The following VPS8 variants were observed in gnomAD, a reference collection of about 807,000 sequenced individuals.
VPS8 encodes the protein VPS8 subunit of CORVET complex.
Under a neutral mutation model 216.4 loss-of-function variants are expected in VPS8, and 129 were observed. That is an observed-to-expected ratio of 0.60 (90% CI 0.52 to 0.69). The LOEUF is 0.69. Among genes scored for constraint, VPS8 ranks in the 30% least tolerant of loss-of-function variants. The pLI is 0.00. For synonymous variants in VPS8, 571 were observed against 565.4 expected (o/e 1.01, Z -0.14); for missense variants, 1,531 against 1,683.5 (o/e 0.91, Z 1.59).
intron 1 of VPS8, among the ~76,000 whole-genome samples, chr3:184,819,420 G>A (rs1049778821): frequency 6.6e-6 from 1 of 152,206 alleles, no homozygotes; most frequent in African/African-American, 2.4e-5. Flanking sequence ...ATGGTTGGGT[G>A]AAGAACTAGT....
At chr3:184,859,308 A>G (rs111702032) in intron 14 of VPS8, among the ~76,000 whole-genome samples, 18 of 152,316 alleles carry the variant, frequency 1.2e-4, no homozygotes, top group African/African-American at 3.8e-4. Flanking sequence ...TTTATTAAGC[A>G]TCAGTGATTT....
chr3:184,911,584 A>G (rs1736542339), intron 25 of VPS8, among the ~76,000 whole-genome samples: 1 of 152,218 alleles, frequency 6.6e-6, no homozygotes, highest in Non-Finnish European at 1.5e-5. Flanking sequence ...TTAATTATGC[A>G]TTTGTCTCAT....
intron 42 of VPS8, among the ~76,000 whole-genome samples, chr3:184,984,206 A>C (rs1750710910): frequency 6.8e-6 from 1 of 147,444 alleles, no homozygotes; most frequent in African/African-American, 2.5e-5. Context: ...TCTACTTCCC[A>C]TCTGATATTA....
chr3:184,940,340 T>TA (rs2109321995), intron 36 of VPS8, 97 bp downstream of exon 36: 1 of 393,252 alleles, frequency 2.5e-6, no homozygotes, highest in African/African-American at 2.1e-5. Context: ...ATCTAAATAA[T>TA]ACAATTAGCT....
chr3:185,043,813 C>G (rs562466782), intron 46 of VPS8, among the ~76,000 whole-genome samples: 2 of 152,104 alleles, frequency 1.3e-5, no homozygotes, highest in Non-Finnish European at 2.9e-5. Flanking sequence ...GGCAGGTGTC[C>G]GTCAGTTTCA....
At chr3:185,017,803 G>A (rs1046748891) in intron 45 of VPS8, among the ~76,000 whole-genome samples, 5 of 152,074 alleles carry the variant, frequency 3.3e-5, no homozygotes, top group Non-Finnish European at 7.3e-5. Flanking sequence ...GGCCTGAGCC[G>A]GAAAGGTCCC....
intron 45 of VPS8, among the ~76,000 whole-genome samples, chr3:185,014,423 A>G (rs1264663676): frequency 6.6e-6 from 1 of 152,142 alleles, no homozygotes; most frequent in Non-Finnish European, 1.5e-5. Context: ...ATAAGGTTTC[A>G]GGTGTCTTGA....
chr3:184,986,509 C>A (rs1389007532), intron 42 of VPS8, among the ~76,000 whole-genome samples: 1 of 152,118 alleles, frequency 6.6e-6, no homozygotes, highest in Non-Finnish European at 1.5e-5. Context: ...TGGGGAAAGT[C>A]TGCTGATGGT....
intron 47 of VPS8, among the ~76,000 whole-genome samples, chr3:185,050,359 C>A (rs961732467): frequency 1.3e-5 from 2 of 152,122 alleles, no homozygotes; most frequent in Non-Finnish European, 2.9e-5. Context: ...GTGAATGAGA[C>A]CATACATGTG....
intron 18 of VPS8, 130 bp from the exon 19 acceptor site, chr3:184,868,816 A>G: frequency 1.4e-6 from 1 of 705,618 alleles, no homozygotes; most frequent in East Asian, 2.7e-5. Context: ...GAAACAAGAT[A>G]TTCACATAAT....
At chr3:184,967,841 CAAA>C (rs11326717) in intron 39 of VPS8, among the ~76,000 whole-genome samples, 10 of 133,708 alleles carry the variant, frequency 7.5e-5, no homozygotes, top group Non-Finnish European at 9.7e-5. Flanking sequence ...AACTCCATCT[CAAA>C]AAAAAAAAAA....
chr3:184,841,901 T>A (rs1238945188), intron 7 of VPS8, among the ~76,000 whole-genome samples: 1 of 152,118 alleles, frequency 6.6e-6, no homozygotes, highest in Non-Finnish European at 1.5e-5. Flanking sequence ...AATTCTGCTA[T>A]CCTGAGAGAA....
intron 46 of VPS8, among the ~76,000 whole-genome samples, chr3:185,038,911 G>C (rs1759264425): frequency 6.6e-6 from 1 of 152,192 alleles, no homozygotes; most frequent in South Asian, 2.1e-4. Flanking sequence ...CTCCAGGGTA[G>C]AGCTTCCATT....
At chr3:184,967,013 A>G (rs899795499) in intron 39 of VPS8, among the ~76,000 whole-genome samples, 1 of 148,388 alleles carries the variant, frequency 6.7e-6, no homozygotes, top group Non-Finnish European at 1.5e-5. Context: ...GTTGCCCAGG[A>G]TGGAGTGCAG....
chr3:184,926,900 AC>A (rs1037631433), intron 31 of VPS8, among the ~76,000 whole-genome samples: 8 of 152,150 alleles, frequency 5.3e-5, no homozygotes, highest in Non-Finnish European at 1.0e-4. Flanking sequence ...CATCAAAGAA[AC>A]TTCCCCTATT....
rs1739616537 is a variant in VPS8, at chr3:184,926,267, C to G, written c.2575-327C>G. Among the ~76,000 whole-genome samples, 6 of 151,770 alleles carry G rather than the reference C, an allele frequency of 4.0e-5. 1 individual carries two copies. The highest frequency in any genetic ancestry group is 3.9e-4 in the Admixed American group (6 of 15,260). ...TGGCGGGCACCTGTAGTCCCAGCTA[C>G]TCGGGAGGCTGAGGCAGGAGAATCA... On this transcript the variant is annotated intron_variant, in intron 30 of 47. Transcript: ENST00000625842.
chr3:184,820,379 G>A (rs116830329), intron 1 of VPS8, among the ~76,000 whole-genome samples: 2,847 of 152,122 alleles, frequency 0.019, 99 homozygotes, highest in African/African-American at 0.065. Flanking sequence ...TTTCTCTGGC[G>A]TTCTCTTCTG....
intron 1 of VPS8, chr3:184,813,762 G>A (rs1053456883): frequency 2.0e-5 from 3 of 152,214 alleles, no homozygotes; most frequent in African/African-American, 7.2e-5. Context: ...GGACATGTTG[G>A]TGATTCTTAG....
intron 16 of VPS8, among the ~76,000 whole-genome samples, chr3:184,863,351 A>C (rs912097183): frequency 6.6e-6 from 1 of 152,202 alleles, no homozygotes; most frequent in African/African-American, 2.4e-5. Context: ...TATAATGGAA[A>C]ATTTGTGAGA....
Sources: gnomAD v4.1 joint callset for allele counts (sites outside exome capture counted in the v4.1 genomes callset) on GRCh38, gnomAD v4.1.1 for gene constraint, MANE v1.5 for transcripts, NCBI Gene and HGNC (gene_info 2026-07-23, HGNC 2026-07-21) for gene names.